The following CASTOR2 variants were observed in gnomAD, a reference collection of about 807,000 sequenced individuals.
CASTOR2 encodes the protein cytosolic arginine sensor for mTORC1 subunit 2, also known as GATS protein like 2.
Under a neutral mutation model 31.2 loss-of-function variants are expected in CASTOR2, and 8 were observed. The ratio of observed to expected loss-of-function variants is 0.26; its 90% CI spans 0.15 to 0.46. The LOEUF (loss-of-function observed/expected upper bound fraction) is 0.46, where lower values mean the gene tolerates loss of function less well. Ranked by LOEUF, CASTOR2 falls within the 20% of genes least tolerant of loss-of-function variation. CASTOR2 has a pLI of 0.99. For missense variants in CASTOR2, 216 were observed against 382.1 expected, an observed-to-expected ratio of 0.57 and a Z score of 3.62; for synonymous variants, 162 against 158.7, an observed-to-expected ratio of 1.02 and a Z score of -0.16.
Position 75,026,171 on chromosome 7 carries a change from G to GT in CASTOR2, c.*1476dup, listed in dbSNP as rs1367580678. Among the ~76,000 whole-genome samples, 3 of 141,522 alleles carry GT rather than the reference G, an allele frequency of 2.1e-5. No individual in the cohort carries two copies. Among genetic ancestry groups the GT allele is most frequent in the East Asian group, 1.9e-4 (1 of 5,156 alleles). The allele number at this position is 141,522 out of a possible 152,430, so 92.8% of individuals were successfully genotyped here. On this transcript the variant is annotated 3_prime_UTR_variant, in exon 9 of 9. Transcript: ENST00000616305. ...ATGAGCAGGACCAAGGGCCCCTGTGGTTTTGGCTCTGGCGGGGGTTTTTTT... is the reference window on the plus strand; with the variant it reads ...ATGAGCAGGACCAAGGGCCCCTGTGGTTTTTGGCTCTGGCGGGGGTTTTTTT...
intron 1 of CASTOR2, among the ~76,000 whole-genome samples, chr7:74,988,964 C>T (rs1433890047): frequency 3.1e-4 from 43 of 137,822 alleles, no homozygotes; most frequent in Middle Eastern, 3.9e-3. Flanking sequence ...GGGAATTTTT[C>T]TTTTTTTTTT....
At chr7:75,010,154 G>T (rs1178586185) in intron 2 of CASTOR2, among the ~76,000 whole-genome samples, 1 of 151,996 alleles carries the variant, frequency 6.6e-6, no homozygotes, top group Non-Finnish European at 1.5e-5. Context: ...CCTTTCTGGG[G>T]GCTCAAAAGC....
In CASTOR2 at chr7:75,028,483, T is replaced by C. The variant is rs1182192706; in HGVS notation, c.*3784T>C. 6.6e-6 allele frequency among the ~76,000 whole-genome samples: 1 copy of C among 151,990 alleles called. No individual in the cohort carries two copies. Among genetic ancestry groups the C allele is most frequent in the Non-Finnish European group, 1.5e-5 (1 of 67,990 alleles). On this transcript the variant is annotated 3_prime_UTR_variant, in exon 9 of 9. Transcript: ENST00000616305. The stretch of plus-strand genomic sequence containing the variant: ...CTGCCACTTGAGCTCCTGGAGTGTG[T>C]GTCTTGGCCCCTGTGTGGTTCTCCA...
In CASTOR2 at chr7:75,017,982, G is replaced by A; in HGVS notation, c.379-8G>A. 1.2e-6 allele frequency: 2 copies of A among 1,614,166 alleles called. No homozygotes were observed. The highest frequency in any genetic ancestry group is 1.7e-6 in the Non-Finnish European group (2 of 1,180,034). ...CAGGCACACACGGCCTCAACTTCTTGCCCCTAGGTGCGCGAGCGGGACCTG... is the reference window on the plus strand; with the variant it reads ...CAGGCACACACGGCCTCAACTTCTTACCCCTAGGTGCGCGAGCGGGACCTG... On this transcript the variant is annotated splice_polypyrimidine_tract_variant and splice_region_variant and intron_variant, in intron 3 of 8. Transcript: ENST00000616305.
chr7:75,013,861 G>A (rs1291569574), intron 2 of CASTOR2, among the ~76,000 whole-genome samples: 1 of 151,968 alleles, frequency 6.6e-6, no homozygotes, highest in Non-Finnish European at 1.5e-5. Flanking sequence ...CTGAGTTGCT[G>A]GGATTACAGG....
At position 75,029,362 on chromosome 7, in the gene CASTOR2, C is replaced by CTT. The variant is rs1177516960; in HGVS notation, c.*4681_*4682dup. 6.5e-3 allele frequency among the ~76,000 whole-genome samples: 826 copies of CTT among 126,162 alleles called. 4 individuals are homozygous for CTT. The highest frequency in any genetic ancestry group is 0.024 in the Middle Eastern group (6 of 252). The allele number at this position is 126,162 out of a possible 152,430, so 82.8% of individuals were successfully genotyped here. A position where few individuals can be genotyped will look rare whatever the true frequency, so the allele number is the denominator to read the frequency against. On this transcript the variant is annotated 3_prime_UTR_variant, in exon 9 of 9. Transcript: ENST00000616305. ...CACCTCAGCCCTGCAATGGGGGGATCTTTTTTTTTTTTTTTTTTTGAGACA... is the reference window on the plus strand; with the variant it reads ...CACCTCAGCCCTGCAATGGGGGGATCTTTTTTTTTTTTTTTTTTTTTGAGACA...
chr7:75,008,087 G>T, intron 2 of CASTOR2, 23 bp downstream of exon 2: 1 of 1,613,574 alleles, frequency 6.2e-7, no homozygotes, highest in Non-Finnish European at 8.5e-7. Flanking sequence ...CTCCCTAGGG[G>T]CTCGGCTGGA....
At chr7:75,023,261 TGGCGC>T (rs1805047923) in intron 7 of CASTOR2, among the ~76,000 whole-genome samples, 1 of 151,840 alleles carries the variant, frequency 6.6e-6, no homozygotes, top group Non-Finnish European at 1.5e-5. Flanking sequence ...CAAGCCGAGA[TGGCGC>T]CACTGCACTC....
rs1293489910 is a variant in CASTOR2 at position 75,025,888 on chromosome 7, G to A, written c.*1189G>A. 3.3e-5 allele frequency among the ~76,000 whole-genome samples: 5 copies of A among 152,268 alleles called. No homozygotes were observed. Among genetic ancestry groups the A allele is most frequent in the Admixed American group, 6.5e-5 (1 of 15,292 alleles). ...GCTCCAGGGACAGGCAGTGGGAATC[G>A]GGAGATGTCACAGGAGCCTGGGCCC... On this transcript the variant is annotated 3_prime_UTR_variant, in exon 9 of 9. Coordinates refer to ENST00000616305, the MANE Select transcript of CASTOR2 (RefSeq NM_001145064.3).
At chr7:74,985,626 T>G (rs1474637724) in intron 1 of CASTOR2, among the ~76,000 whole-genome samples, 1 of 141,530 alleles carries the variant, frequency 7.1e-6, no homozygotes. Context: ...TGTGAGGGGA[T>G]CTCAGTTCTG....
chr7:75,018,735 G>C (rs1188206226), intron 4 of CASTOR2, among the ~76,000 whole-genome samples: 1 of 152,248 alleles, frequency 6.6e-6, no homozygotes. Context: ...AGGTGGTGCC[G>C]GTTGGGAAGG....
In CASTOR2 at chr7:75,017,926, G is replaced by A. The variant is rs1804903863; in HGVS notation, c.379-64G>A. On this transcript the variant is annotated intron_variant, in intron 3 of 8. Transcript: ENST00000616305. The stretch of plus-strand genomic sequence containing the variant: ...GGGCAGAGTCTCAGGGTGAGAGGTC[G>A]GTGCCCCAGACCCACATCCCCCAGG... The A allele has an allele frequency of 9.9e-6, 16 of 1,613,658 alleles. 1 individual carries two copies. The highest frequency in any genetic ancestry group is 2.2e-5 in the East Asian group (1 of 44,886).
intron 2 of CASTOR2, among the ~76,000 whole-genome samples, chr7:75,011,592 C>T (rs1160193428): frequency 6.6e-6 from 1 of 151,524 alleles, no homozygotes; most frequent in Non-Finnish European, 1.5e-5. Context: ...AAAAATTTGC[C>T]AGGCGTGGTG....
intron 1 of CASTOR2, among the ~76,000 whole-genome samples, chr7:74,989,185 C>G (rs1250343317): frequency 6.6e-6 from 1 of 151,644 alleles, no homozygotes; most frequent in Non-Finnish European, 1.5e-5. Flanking sequence ...AGGATGGTCT[C>G]AATCTCCTGA....
intron 1 of CASTOR2, among the ~76,000 whole-genome samples, chr7:74,989,235 A>G (rs1554437069): frequency 4.8e-4 from 72 of 149,508 alleles, no homozygotes; most frequent in African/African-American, 1.7e-3. Flanking sequence ...AAGTGCTGGG[A>G]TTACAGGCGT....
chr7:75,011,586 A>T (rs1457824177), intron 2 of CASTOR2, among the ~76,000 whole-genome samples: 1 of 151,112 alleles, frequency 6.6e-6, no homozygotes, highest in Non-Finnish European at 1.5e-5. Flanking sequence ...TACAAAAAAA[A>T]TTTGCCAGGC....
intron 4 of CASTOR2, 40 bp from the exon 5 acceptor site, chr7:75,018,932 A>G: frequency 1.3e-6 from 2 of 1,551,746 alleles, no homozygotes; most frequent in South Asian, 2.4e-5. Context: ...TGCTGCTTTC[A>G]GTCCCAGCCT....
intron 2 of CASTOR2, among the ~76,000 whole-genome samples, chr7:75,008,879 G>A (rs1157391287): frequency 3.9e-5 from 6 of 152,114 alleles, no homozygotes; most frequent in African/African-American, 1.2e-4. Context: ...AAACCCAGGA[G>A]TTTGAGACTG....
intron 1 of CASTOR2, among the ~76,000 whole-genome samples, chr7:75,002,724 T>C (rs1804524760): frequency 1.3e-5 from 2 of 151,926 alleles, no homozygotes; most frequent in South Asian, 2.1e-4. Context: ...AGGAGGGTAG[T>C]CCAGCCTTGA....
Sources: gnomAD v4.1 joint callset for allele counts (sites outside exome capture counted in the v4.1 genomes callset) on GRCh38, gnomAD v4.1.1 for gene constraint, MANE v1.5 for transcripts, NCBI Gene and HGNC (gene_info 2026-07-23, HGNC 2026-07-21) for gene names.